Variants in SH3RF3 observed in about 807,000 individuals in gnomAD.
SH3RF3 encodes E3 ubiquitin-protein ligase SH3RF3.
In SH3RF3, 29 loss-of-function variants were observed where a neutral mutation model predicts 66.3. The ratio of observed to expected loss-of-function variants is 0.44; its 90% confidence interval spans 0.33 to 0.60. The LOEUF is 0.60. Among genes scored for constraint, SH3RF3 ranks in the 20% least tolerant of loss-of-function variants. The pLI, the probability that SH3RF3 is intolerant of heterozygous loss-of-function variation, is 0.04. For missense variants in SH3RF3, 1,194 were observed against 1,190.9 expected (o/e 1.00, Z -0.04); for synonymous variants, 583 against 532.0 (o/e 1.10, Z -1.32).
chr2:109,402,496 C>T (rs532801224), intron 4 of SH3RF3, among the ~76,000 whole-genome samples: 4 of 152,312 alleles, frequency 2.6e-5, no homozygotes, highest in South Asian at 2.1e-4. Flanking sequence ...TCGTGGGAAA[C>T]GTGGAGTGGA....
At chr2:109,343,719 T>TCTGCCCTGCTC (rs1276233139) in intron 1 of SH3RF3, among the ~76,000 whole-genome samples, 1 of 150,664 alleles carries the variant, frequency 6.6e-6, no homozygotes, top group African/African-American at 2.4e-5. Flanking sequence ...TGCCCCTGCT[T>TCTGCCCTGCTC]CTGCCCTGCT....
chr2:109,249,497 C>CT (rs1286410726), intron 1 of SH3RF3, among the ~76,000 whole-genome samples: 1 of 32,042 alleles, frequency 3.1e-5, no homozygotes, highest in Non-Finnish European at 5.9e-5. Context: ...TTCTTTCTTT[C>CT]TTTCTTTCTT....
intron 1 of SH3RF3, among the ~76,000 whole-genome samples, chr2:109,159,818 A>C (rs1677443020): frequency 6.6e-6 from 1 of 152,168 alleles, no homozygotes; most frequent in Non-Finnish European, 1.5e-5. Flanking sequence ...TCCTTATGAG[A>C]ATCTAACGCC....
At chr2:109,160,358 A>C (rs1183280053) in intron 1 of SH3RF3, among the ~76,000 whole-genome samples, 1 of 152,236 alleles carries the variant, frequency 6.6e-6, no homozygotes, top group Non-Finnish European at 1.5e-5. Context: ...AAGGCAAGAA[A>C]CACATTTGTG....
intron 1 of SH3RF3, among the ~76,000 whole-genome samples, chr2:109,241,454 CT>C (rs1043932912): frequency 1.1e-4 from 16 of 151,674 alleles, no homozygotes; most frequent in East Asian, 1.9e-4. Flanking sequence ...TAGGAATGTC[CT>C]TTTTTTTTCT....
chr2:109,173,950 C>T (rs148698024), intron 1 of SH3RF3, among the ~76,000 whole-genome samples: 320 of 152,334 alleles, frequency 2.1e-3, no homozygotes, highest in African/African-American at 5.8e-3. Flanking sequence ...AAGCAGATGT[C>T]GGGTTCAGGC....
intron 3 of SH3RF3, among the ~76,000 whole-genome samples, chr2:109,395,599 C>T (rs921451213): frequency 6.6e-6 from 1 of 152,226 alleles, no homozygotes; most frequent in Non-Finnish European, 1.5e-5. Context: ...GCTGGGGTTG[C>T]TAAGGCATGA....
intron 1 of SH3RF3, among the ~76,000 whole-genome samples, chr2:109,307,432 T>A (rs1283020778): frequency 7.6e-6 from 1 of 132,218 alleles, no homozygotes; most frequent in Admixed American, 7.3e-5. Context: ...TTTTTTTTTT[T>A]ATTATTATAC....
chr2:109,283,881 G>A (rs748327480), intron 1 of SH3RF3, among the ~76,000 whole-genome samples: 15 of 152,176 alleles, frequency 9.9e-5, no homozygotes, highest in Non-Finnish European at 1.6e-4. Context: ...TATTCTATAT[G>A]CATCAGCTGG....
intron 4 of SH3RF3, among the ~76,000 whole-genome samples, chr2:109,409,143 C>T (rs1676524787): frequency 6.6e-6 from 1 of 152,204 alleles, no homozygotes; most frequent in African/African-American, 2.4e-5. Context: ...CTGTTTTGAT[C>T]CATTCGCCTT....
intron 1 of SH3RF3, among the ~76,000 whole-genome samples, chr2:109,221,293 A>T (rs1045838940): frequency 6.6e-6 from 1 of 151,964 alleles, no homozygotes; most frequent in African/African-American, 2.4e-5. Context: ...TTTAATGTGC[A>T]TCTTCCTGGC....
At chr2:109,288,790 A>G (rs1681097264) in intron 1 of SH3RF3, among the ~76,000 whole-genome samples, 1 of 152,224 alleles carries the variant, frequency 6.6e-6, no homozygotes, top group Non-Finnish European at 1.5e-5. Flanking sequence ...CTAGAAAGCT[A>G]CTACAGGAGG....
intron 3 of SH3RF3, among the ~76,000 whole-genome samples, chr2:109,380,461 A>G (rs746037604): frequency 6.6e-6 from 1 of 152,200 alleles, no homozygotes; most frequent in Non-Finnish European, 1.5e-5. Flanking sequence ...TACAGAGCTC[A>G]TCAAGCATGG....
chr2:109,261,744 G>A (rs1680360552), intron 1 of SH3RF3, among the ~76,000 whole-genome samples: 1 of 152,150 alleles, frequency 6.6e-6, no homozygotes. Flanking sequence ...CAGTGTAATC[G>A]GCAGGCATTT....
rs559233730 is a variant in SH3RF3, at chr2:109,153,577, G to A, written c.573+23464G>A. Reference sequence around the variant, plus strand: ...CACCGGGTCACCTGCCCCAGGAGGTGGGCCCGACAGATGCCCTGTGTGTGT... The same window carrying A: ...CACCGGGTCACCTGCCCCAGGAGGTAGGCCCGACAGATGCCCTGTGTGTGT... On this transcript the variant is annotated intron_variant, in intron 1 of 9. Coordinates refer to ENST00000309415, the MANE Select transcript of SH3RF3 (RefSeq NM_001099289.3). Among the ~76,000 whole-genome samples, 5 of 152,328 alleles carry A rather than the reference G, an allele frequency of 3.3e-5. No individual in the cohort carries two copies. In the East Asian group the frequency reaches 9.6e-4, roughly 29 times the overall value.
intron 5 of SH3RF3, among the ~76,000 whole-genome samples, chr2:109,424,271 C>T (rs896253589): frequency 6.7e-6 from 1 of 149,038 alleles, no homozygotes; most frequent in Non-Finnish European, 1.5e-5. Flanking sequence ...TTTGAAGGGG[C>T]AGTCATGGGT....
rs11900909 is a variant in SH3RF3 at position 109,459,754 on chromosome 2, C to G, written c.2148+10265C>G. Among the ~76,000 whole-genome samples the G allele has an allele frequency of 4.8e-3, 726 of 152,234 alleles. 4 individuals are homozygous for G. The highest frequency in any genetic ancestry group is 0.017 in the African/African-American group (693 of 41,504). ...TCATTGTCATGTTTCCTGGTGGCAA[C>G]ATTCCTCCCCCTGGAACCAAGACCT... On this transcript the variant is annotated intron_variant, in intron 8 of 9. Coordinates refer to ENST00000309415, the MANE Select transcript of SH3RF3 (RefSeq NM_001099289.3).
rs531764749 is a variant in SH3RF3 at position 109,321,977 on chromosome 2, A to T, written c.574-25697A>T. ...GCTCTGAAGATGATTGGTCCTCGTT[A>T]TTCAGTATGAAAGCAAATACCACAT... is the stretch of plus-strand genomic sequence containing the variant. On this transcript the variant is annotated intron_variant, in intron 1 of 9. Coordinates refer to ENST00000309415, the MANE Select transcript of SH3RF3 (RefSeq NM_001099289.3). Among the ~76,000 whole-genome samples the T allele has an allele frequency of 8.1e-4, 123 of 152,296 alleles. 1 individual carries two copies. Among genetic ancestry groups the T allele is most frequent in the African/African-American group, 2.7e-3 (114 of 41,566 alleles).
At chr2:109,429,320 A>G (rs1487646140) in intron 5 of SH3RF3, among the ~76,000 whole-genome samples, 1 of 152,178 alleles carries the variant, frequency 6.6e-6, no homozygotes, top group African/African-American at 2.4e-5. Flanking sequence ...CAGAGGAAAA[A>G]AAGTAGGCAG....
Sources: gnomAD v4.1 joint callset for allele counts (sites outside exome capture counted in the v4.1 genomes callset) on GRCh38, gnomAD v4.1.1 for gene constraint, MANE v1.5 for transcripts, NCBI Gene and HGNC (gene_info 2026-07-23, HGNC 2026-07-21) for gene names.